The following UBE2U variants were observed in gnomAD, a reference collection of about 807,000 sequenced individuals.
UBE2U encodes the protein ubiquitin conjugating enzyme E2 U, also known as ubiquitin-conjugating enzyme E2 U.
Under a neutral mutation model 41.2 loss-of-function variants are expected in UBE2U, and 39 were observed. The observed-to-expected ratio is 0.95, with a 90% confidence interval of 0.73 to 1.24. The LOEUF (loss-of-function observed/expected upper bound fraction) is 1.24. UBE2U is among the 50% of genes most tolerant of loss of function. UBE2U has a pLI of 0.00. For missense variants in UBE2U, 336 were observed against 363.1 expected (o/e 0.93, Z 0.61); for synonymous variants, 107 against 117.8 (o/e 0.91, Z 0.60).
intron 9 of UBE2U, among the ~76,000 whole-genome samples, chr1:64,266,379 C>T (rs757991958): frequency 1.3e-5 from 2 of 152,100 alleles, no homozygotes; most frequent in Admixed American, 6.6e-5. Context: ...TGGGACGAGT[C>T]TTGTTATTAG....
intron 8 of UBE2U, among the ~76,000 whole-genome samples, chr1:64,250,472 G>A (rs1233108897): frequency 6.6e-6 from 1 of 152,150 alleles, no homozygotes; most frequent in African/African-American, 2.4e-5. Context: ...TACAGGGTCA[G>A]CATTACCTCA....
At chr1:64,236,270 G>A (rs989682091) in intron 7 of UBE2U, among the ~76,000 whole-genome samples, 1 of 152,080 alleles carries the variant, frequency 6.6e-6, no homozygotes. Flanking sequence ...GTAGGCTGTG[G>A]TCCAGAGACT....
At chr1:64,240,886 C>T (rs766881527) in intron 7 of UBE2U, among the ~76,000 whole-genome samples, 7 of 152,080 alleles carry the variant, frequency 4.6e-5, no homozygotes, top group South Asian at 2.1e-4. Context: ...TGTCCCACCA[C>T]GCCTGGCTAA....
At chr1:64,242,955 C>T (rs1025404023) in intron 8 of UBE2U, among the ~76,000 whole-genome samples, 5 of 152,022 alleles carry the variant, frequency 3.3e-5, no homozygotes, top group African/African-American at 9.7e-5. Flanking sequence ...GTTTGATCAT[C>T]GATTCATTAT....
At position 64,239,172 on chromosome 1, in the gene UBE2U, G is replaced by GAAGAA. The variant is rs1553169044; in HGVS notation, c.596-2479_596-2475dup. ...GAAGAAGAAGAAAGAAGAAGAAGAA[G>GAAGAA]AAGAAGAAGAAGAAGAAGAAAGCCC... On this transcript the variant is annotated intron_variant, in intron 7 of 9. Coordinates refer to ENST00000371077, the MANE Select transcript of UBE2U (RefSeq NM_001366232.2). Among the ~76,000 whole-genome samples the GAAGAA allele has an allele frequency of 6.2e-4, 59 of 95,676 alleles. 2 individuals are homozygous for GAAGAA. Among genetic ancestry groups the GAAGAA allele is most frequent in the African/African-American group, 2.5e-3 (54 of 21,330 alleles). 62.8% of individuals were successfully genotyped at this position (95,676 alleles called of 152,430 possible).
intron 8 of UBE2U, among the ~76,000 whole-genome samples, chr1:64,250,848 G>A (rs1007596559): frequency 1.3e-5 from 2 of 149,564 alleles, no homozygotes; most frequent in Admixed American, 6.7e-5. Context: ...TCACTCATAG[G>A]TGGGAATTGA....
At chr1:64,252,106 C>T (rs1645020490) in intron 8 of UBE2U, among the ~76,000 whole-genome samples, 1 of 152,218 alleles carries the variant, frequency 6.6e-6, no homozygotes, top group African/African-American at 2.4e-5. Flanking sequence ...GAGGGGTCTC[C>T]CCACCAACAC....
intron 5 of UBE2U, 61 bp from the exon 6 acceptor site, chr1:64,220,798 C>T: frequency 8.2e-7 from 1 of 1,224,296 alleles, no homozygotes; most frequent in Admixed American, 1.9e-5. Flanking sequence ...AAATAGTGCA[C>T]ATAAAGCCAT....
chr1:64,225,831 T>C (rs1310724826), intron 6 of UBE2U, among the ~76,000 whole-genome samples: 3 of 152,216 alleles, frequency 2.0e-5, no homozygotes, highest in African/African-American at 4.8e-5. Flanking sequence ...GAAGACATCA[T>C]TGACTCAAAT....
At chr1:64,239,090 G>GAAGAAGAAGAAGA (rs1557729590) in intron 7 of UBE2U, among the ~76,000 whole-genome samples, 3 of 48,174 alleles carry the variant, frequency 6.2e-5, no homozygotes, top group East Asian at 1.3e-3. Context: ...GGAAGAGGAA[G>GAAGAAGAAGAAGA]AGGAAGAAGA....
At chr1:64,235,857 C>T (rs1644657772) in intron 7 of UBE2U, among the ~76,000 whole-genome samples, 1 of 152,092 alleles carries the variant, frequency 6.6e-6, no homozygotes. Context: ...ATTCAACCAA[C>T]ATTATTAAGC....
chr1:64,234,442 T>G (rs1419760899), intron 7 of UBE2U, among the ~76,000 whole-genome samples: 1 of 152,192 alleles, frequency 6.6e-6, no homozygotes, highest in East Asian at 1.9e-4. Flanking sequence ...ATTTGAAGTC[T>G]CTTTATATTT....
intron 7 of UBE2U, among the ~76,000 whole-genome samples, chr1:64,239,157 A>AAGAAGAAGAAGAAGAAGAGAAGAAGAAG: frequency 2.7e-5 from 1 of 37,064 alleles, no homozygotes; most frequent in East Asian, 1.0e-3. Flanking sequence ...GAAGAAGAAG[A>AAGAAGAAGAAGAAGAAGAGAAGAAGAAG]AAGAAGAAGA....
chr1:64,265,297 T>C (rs1645239431), intron 9 of UBE2U, among the ~76,000 whole-genome samples: 1 of 152,178 alleles, frequency 6.6e-6, no homozygotes, highest in South Asian at 2.1e-4. Flanking sequence ...ACTCTCCTAT[T>C]GTTTAAACTG....
At chr1:64,234,041 A>G (rs1421856722) in intron 7 of UBE2U, among the ~76,000 whole-genome samples, 1 of 151,940 alleles carries the variant, frequency 6.6e-6, no homozygotes, top group East Asian at 1.9e-4. Flanking sequence ...CTCTCTACTT[A>G]CTCTCTCTGA....
intron 6 of UBE2U, among the ~76,000 whole-genome samples, chr1:64,230,519 G>A (rs1049210607): frequency 6.6e-6 from 1 of 151,990 alleles, no homozygotes; most frequent in African/African-American, 2.4e-5. Flanking sequence ...TCCTCTGTGT[G>A]TACATATGTG....
intron 7 of UBE2U, among the ~76,000 whole-genome samples, chr1:64,239,137 A>AGAGGAAGAGGAAGAG (rs1557730468): frequency 1.8e-4 from 5 of 28,454 alleles, no homozygotes; most frequent in East Asian, 1.8e-3. Flanking sequence ...AAGAAGAAGA[A>AGAGGAAGAGGAAGAG]GAAGAAGAAG....
rs115508249 is a variant in UBE2U, at chr1:64,245,845, C to A, written c.677+4112C>A. ...CCCAACCCCTGACGCCCCAGACATT[C>A]CGTAAAGGTGGAGATGGATATTATC... On this transcript the variant is annotated intron_variant, in intron 8 of 9. Transcript: ENST00000371077. Among the ~76,000 whole-genome samples the A allele has an allele frequency of 6.7e-3, 1,018 of 152,194 alleles. 14 individuals are homozygous for A. The highest frequency in any genetic ancestry group is 0.024 in the African/African-American group (992 of 41,514).
At chr1:64,238,756 G>T (rs1264185885) in intron 7 of UBE2U, among the ~76,000 whole-genome samples, 2 of 151,794 alleles carry the variant, frequency 1.3e-5, no homozygotes, top group African/African-American at 4.8e-5. Context: ...AGAAGAAAGC[G>T]CCAGGCTGGG....
Sources: allele counts gnomAD v4.1 joint callset (sites outside exome capture counted in the v4.1 genomes callset), GRCh38; gene constraint gnomAD v4.1.1; transcripts MANE v1.5; gene names NCBI Gene and HGNC (gene_info 2026-07-23, HGNC 2026-07-21).